Variants in KCNJ11 observed in about 807,000 individuals in gnomAD.
The protein encoded by KCNJ11 is ATP-sensitive inward rectifier potassium channel 11.
A neutral mutation model predicts 17.3 loss-of-function variants in KCNJ11; 12 were observed. The observed-to-expected ratio is 0.69, with a 90% CI of 0.44 to 1.12. KCNJ11 has a LOEUF of 1.12. KCNJ11 is among the 50% of genes most tolerant of loss of function. KCNJ11 has a pLI of 0.00. For missense variants in KCNJ11, 386 were observed against 554.1 expected (o/e 0.70, Z 3.05); for synonymous variants, 211 against 223.4 (o/e 0.94, Z 0.50).
chr11:17,387,475 C>A lies in KCNJ11; in HGVS notation c.617G>T (p.Arg206Leu), dbSNP rs1554901747. ...LCFMLRVGDLRKSMIISATIH... is the reference protein window; with the variant it reads ...LCFMLRVGDLLKSMIISATIH... ...GGTGGCGCTGATGATCATGCTCTTG[C>A]GGAGGTCACCCACACGTAGCATGAA... The change falls in exon 1 of 1, where the codon CGC becomes CTC. Residue 206 changes from arginine to leucine, a missense_variant. By Grantham distance (102) the Arg-to-Leu change is moderately radical. Coordinates refer to ENST00000339994, the MANE Select transcript of KCNJ11 (RefSeq NM_000525.4). 1.9e-6 allele frequency: 3 copies of A among 1,612,396 alleles called. No individual in the cohort carries two copies. The highest frequency in any genetic ancestry group is 2.5e-6 in the Non-Finnish European group (3 of 1,179,992).
In KCNJ11 at chr11:17,388,151, T is replaced by A; in HGVS notation, c.-60A>T. On this transcript the variant is annotated 5_prime_UTR_variant, in exon 1 of 1. Coordinates refer to ENST00000339994, the MANE Select transcript of KCNJ11 (RefSeq NM_000525.4). ...TCGGAGGCACCCCTCGGACGTGGCCTAGGGCCTCACTGCAGAGTCCTCTCG... is the reference window on the plus strand; with the variant it reads ...TCGGAGGCACCCCTCGGACGTGGCCAAGGGCCTCACTGCAGAGTCCTCTCG... The A allele has an allele frequency of 6.6e-7, 1 of 1,512,604 alleles. No individual in the cohort carries two copies. The highest frequency in any genetic ancestry group is 9.1e-7 in the Non-Finnish European group (1 of 1,096,160). The allele number at this position is 1,512,604 out of a possible 1,614,324, so 93.7% of individuals were successfully genotyped here.
chr11:17,385,367 T>C lies in KCNJ11; in HGVS notation c.*1552A>G, dbSNP rs1219215101. ...CTTCAGCATTTTACATATTTTTCAT[T>C]TACTTCCAAAACAATTCTATGAGGT... is the stretch of plus-strand genomic sequence containing the variant. On this transcript the variant is annotated 3_prime_UTR_variant, in exon 1 of 1. Transcript: ENST00000339994. 3.3e-5 allele frequency among the ~76,000 whole-genome samples: 5 copies of C among 152,244 alleles called. 1 individual carries two copies.
rs1237212288 is a variant in KCNJ11 at position 17,387,918 on chromosome 11, G to A, written c.174C>T (p.Asp58=). 7.5e-6 allele frequency: 12 copies of A among 1,609,940 alleles called. No homozygotes were observed. Among genetic ancestry groups the A allele is most frequent in the Middle Eastern group, 1.6e-4 (1 of 6,076 alleles). ...TGAGGTCCACCAGCGTGGTGAACAC[G>A]TCCTGCAGGAAGCGGCCCTGCTCCC... is the stretch of plus-strand genomic sequence containing the variant. ...NIREQGRFLQ[D]VFTTLVDLKW... is the part of the protein sequence containing the mutation. The change falls in exon 1 of 1, where the codon GAC becomes GAT. Residue 58 remains aspartate (D), a synonymous_variant. Coordinates refer to ENST00000339994, the MANE Select transcript of KCNJ11 (RefSeq NM_000525.4).
In KCNJ11 at chr11:17,387,303, G is replaced by A. The variant is rs2133379516; in HGVS notation, c.789C>T (p.Ala263=). The A allele has an allele frequency of 3.1e-6, 5 of 1,614,132 alleles. No individual in the cohort carries two copies. Among genetic ancestry groups the A allele is most frequent in the Non-Finnish European group, 4.2e-6 (5 of 1,180,026 alleles). The change falls in exon 1 of 1, where the codon GCC becomes GCT. Residue 263 remains alanine, a synonymous_variant. Transcript: ENST00000339994. ...GTGCCAGGTCGTAGAGTGGGCTGTT[G>A]GCATCAATGACATGGTAGATGATCA... ...APLIIYHVID[A]NSPLYDLAPS...
At position 17,385,743 on chromosome 11, in the gene KCNJ11, G is replaced by C. The variant is rs1203667780; in HGVS notation, c.*1176C>G. On this transcript the variant is annotated 3_prime_UTR_variant, in exon 1 of 1. Coordinates refer to ENST00000339994, the MANE Select transcript of KCNJ11 (RefSeq NM_000525.4). ...GGTGCCAGCCTTCCGTCCCTCCCCT[G>C]CCCTCCCCGCTAGGGTCTATGGCGC... is the stretch of plus-strand genomic sequence containing the variant. 6.6e-6 allele frequency: 1 copy of C among 152,374 alleles called. No individual in the cohort carries two copies. Among genetic ancestry groups the C allele is most frequent in the African/African-American group, 2.4e-5 (1 of 41,434 alleles). 9.4% of individuals were successfully genotyped at this position (152,374 alleles called of 1,614,324 possible).
At position 17,388,121 on chromosome 11, in the gene KCNJ11, CCCCATCGGAGGCA is replaced by C. The variant is rs1458997267; in HGVS notation, c.-43_-31del. 1.1e-5 allele frequency: 17 copies of C among 1,598,552 alleles called. No homozygotes were observed. Among genetic ancestry groups the C allele is most frequent in the Non-Finnish European group, 1.3e-5 (15 of 1,170,944 alleles). On this transcript the variant is annotated 5_prime_UTR_variant, in exon 1 of 1. It removes an upstream start codon present in the reference 5' UTR. Transcript: ENST00000339994. ...CCGGTGACCCCCAGGGAGGGGCTTC[CCCCATCGGAGGCA>C]CCCCTCGGACGTGGCCTAGGGCCTC... is the stretch of plus-strand genomic sequence containing the variant.
In KCNJ11 at chr11:17,387,392, G is replaced by A. The variant is rs757593972; in HGVS notation, c.700C>T (p.His234Tyr). The change falls in exon 1 of 1, where the codon CAC (histidine) becomes TAC (tyrosine). Residue 234 changes from histidine to tyrosine, a missense_variant. His to Tyr is a moderately conservative substitution (Grantham distance 83, BLOSUM62 2). Coordinates refer to ENST00000339994, the MANE Select transcript of KCNJ11 (RefSeq NM_000525.4). ...TSPEGEVVPLHQVDIPMENGV... is the reference protein window; with the variant it reads ...TSPEGEVVPLYQVDIPMENGV... ...TTCTCCATGGGGATGTCCACCTGGT[G>A]GAGGGGCACCACCTCGCCCTCGGGG... is the stretch of plus-strand genomic sequence containing the variant. 3 of 1,613,966 alleles carry A rather than the reference G, an allele frequency of 1.9e-6. No individual in the cohort carries two copies. The highest frequency in any genetic ancestry group is 1.1e-5 in the South Asian group (1 of 91,092).
At chr11:17,388,891 G>A (rs1464872258), upstream of KCNJ11, 2 of 441,028 alleles carry the variant, frequency 4.5e-6, no homozygotes, top group African/African-American at 2.2e-5. Flanking sequence ...GGCCACCCCC[G>A]CCCCGTCTCT....
chr11:17,389,024 AC>A (rs1953610285), upstream of KCNJ11: 1 of 217,010 alleles, frequency 4.6e-6, no homozygotes, highest in Non-Finnish European at 1.0e-5. Context: ...TGGAGTCACC[AC>A]CCCACCCGGC....
Position 17,387,219 on chromosome 11 carries a change from C to T in KCNJ11, c.873G>A (p.Val291=), listed in dbSNP as rs2133379304. ...CCTGGGTGGTGATGCCCGTGGTTTC[C>T]ACCACGCCTTCCAGGATGACGATGA... ...LEIIVILEGV[V]ETTGITTQAR... The change falls in exon 1 of 1, where the codon GTG becomes GTA. Residue 291 remains valine (V), a synonymous_variant. Coordinates refer to ENST00000339994, the MANE Select transcript of KCNJ11 (RefSeq NM_000525.4). 1 of 1,614,238 alleles carries T rather than the reference C, an allele frequency of 6.2e-7. No individual in the cohort carries two copies. The highest frequency in any genetic ancestry group is 8.5e-7 in the Non-Finnish European group (1 of 1,180,040).
Position 17,386,862 on chromosome 11 carries a change from T to C in KCNJ11, c.*57A>G. The C allele has an allele frequency of 6.6e-7, 1 of 1,508,216 alleles. No individual in the cohort carries two copies. 93.4% of individuals were successfully genotyped at this position (1,508,216 alleles called of 1,614,324 possible). ...GCCTCACACCAGGCCCTGGCCGGGC[T>C]ACATACCACATGGTCCGTGTGTACA... On this transcript the variant is annotated 3_prime_UTR_variant, in exon 1 of 1. Coordinates refer to ENST00000339994, the MANE Select transcript of KCNJ11 (RefSeq NM_000525.4).
chr11:17,387,811 G>T lies in KCNJ11; in HGVS notation c.281C>A (p.Ala94Asp). 1 of 1,614,014 alleles carries T rather than the reference G, an allele frequency of 6.2e-7. No individual in the cohort carries two copies. The highest frequency in any genetic ancestry group is 8.5e-7 in the Non-Finnish European group (1 of 1,180,038). ...GGGGGCCAGGTCACCGTGGGCGAAG[G>T]CGATGAGCCACCAGGCCATGGCGAA... ...LLFAMAWWLI[A>D]FAHGDLAPSE... The change falls in exon 1 of 1, where the codon GCC (alanine) becomes GAC (aspartate). Residue 94 changes from alanine to aspartate, a missense_variant. Coordinates refer to ENST00000339994, the MANE Select transcript of KCNJ11 (RefSeq NM_000525.4).
In KCNJ11 at chr11:17,387,057, C is replaced by G; in HGVS notation, c.1035G>C (p.Thr345=). 6.2e-7 allele frequency: 1 copy of G among 1,614,152 alleles called. No homozygotes were observed. Among genetic ancestry groups the G allele is most frequent in the Non-Finnish European group, 8.5e-7 (1 of 1,180,006 alleles). Reference sequence around the variant, plus strand: ...TGTGGTCCTCATCAAGCTGGCGGGCCGTGCAGAGTGGTGTGGGCACTTTGA... The same window carrying G: ...TGTGGTCCTCATCAAGCTGGCGGGCGGTGCAGAGTGGTGTGGGCACTTTGA... The part of the protein sequence containing the change: ...NTVKVPTPLC[T]ARQLDEDHSL... Residue 345 remains threonine (T), a synonymous_variant, in exon 1 of 1, where the codon ACG becomes ACC. Coordinates refer to ENST00000339994, the MANE Select transcript of KCNJ11 (RefSeq NM_000525.4).
chr11:17,386,892 C>A lies in KCNJ11; in HGVS notation c.*27G>T. 1 of 1,596,382 alleles carries A rather than the reference C, an allele frequency of 6.3e-7. No individual in the cohort carries two copies. Among genetic ancestry groups the A allele is most frequent in the Non-Finnish European group, 8.6e-7 (1 of 1,169,492 alleles). On this transcript the variant is annotated 3_prime_UTR_variant, in exon 1 of 1. Transcript: ENST00000339994. Reference sequence around the variant, plus strand: ...ACCACATGGTCCGTGTGTACACACGCGTGTGGGGGGCCCGAGAGACCATGG... The same window carrying A: ...ACCACATGGTCCGTGTGTACACACGAGTGTGGGGGGCCCGAGAGACCATGG...
rs778793458 is a variant in KCNJ11 at position 17,387,118 on chromosome 11, C to T, written c.974G>A (p.Arg325His). 24 of 1,614,110 alleles carry T rather than the reference C, an allele frequency of 1.5e-5. No individual in the cohort carries two copies. The highest frequency in any genetic ancestry group is 4.5e-5 in the East Asian group (2 of 44,890). ...FVPIVAEEDG[R>H]YSVDYSKFGN... is the part of the protein sequence containing the mutation. ...AAACTTGGAGTAGTCCACAGAGTAA[C>T]GTCCGTCCTCCTCAGCTACAATGGG... Residue 325 changes from arginine (R) to histidine (H), a missense_variant, in exon 1 of 1, where the codon CGT becomes CAT. Coordinates refer to ENST00000339994, the MANE Select transcript of KCNJ11 (RefSeq NM_000525.4).
rs1191019213 is a variant in KCNJ11 at position 17,386,871 on chromosome 11, C to T, written c.*48G>A. On this transcript the variant is annotated 3_prime_UTR_variant, in exon 1 of 1. Transcript: ENST00000339994. ...CAGGCCCTGGCCGGGCTACATACCA[C>T]ATGGTCCGTGTGTACACACGCGTGT... The T allele has an allele frequency of 6.5e-7, 1 of 1,544,274 alleles. No homozygotes were observed. The highest frequency in any genetic ancestry group is 8.8e-7 in the Non-Finnish European group (1 of 1,135,596).
Position 17,386,895 on chromosome 11 carries a change from G to A in KCNJ11, c.*24C>T, listed in dbSNP as rs1283278092. The stretch of plus-strand genomic sequence containing the variant: ...ACATGGTCCGTGTGTACACACGCGT[G>A]TGGGGGGCCCGAGAGACCATGGCTC... On this transcript the variant is annotated 3_prime_UTR_variant, in exon 1 of 1. Transcript: ENST00000339994. 6.2e-7 allele frequency: 1 copy of A among 1,601,318 alleles called. No homozygotes were observed. The highest frequency in any genetic ancestry group is 1.7e-5 in the Admixed American group (1 of 59,328).
upstream of KCNJ11, chr11:17,388,837 T>A (rs1454077262): frequency 4.4e-6 from 2 of 455,780 alleles, no homozygotes; most frequent in Non-Finnish European, 8.8e-6. Flanking sequence ...GTCTCCCGCC[T>A]CACCTGTCTG....
At chr11:17,388,683 C>T (rs1275453574), upstream of KCNJ11, 2 of 369,118 alleles carry the variant, frequency 5.4e-6, no homozygotes, top group Non-Finnish European at 1.2e-5. Flanking sequence ...GCCCTGCGTC[C>T]TCCCCCAGCT....
Sources: allele counts gnomAD v4.1 joint callset (sites outside exome capture counted in the v4.1 genomes callset), GRCh38; gene constraint gnomAD v4.1.1; transcripts MANE v1.5; gene names NCBI Gene and HGNC (gene_info 2026-07-23, HGNC 2026-07-21).